VPS13D: variants seen among roughly 807,000 people sequenced by gnomAD.
VPS13D encodes the protein vacuolar protein sorting 13 homolog D, also known as intermembrane lipid transfer protein VPS13D.
Under a neutral mutation model 461.9 loss-of-function variants are expected in VPS13D, and 187 were observed. The ratio of observed to expected loss-of-function variants is 0.40; its 90% CI spans 0.36 to 0.46. VPS13D has a LOEUF of 0.46. Ranked by LOEUF, VPS13D falls within the 20% of genes least tolerant of loss-of-function variation. The pLI is 0.60. For synonymous variants in VPS13D, 1,951 were observed against 1,986.3 expected (o/e 0.98, Z 0.47); for missense variants, 4,711 against 5,364.9 (o/e 0.88, Z 3.81).
chr1:12,393,884 T>C (rs777914125), intron 60 of VPS13D, among the ~76,000 whole-genome samples: 9 of 152,168 alleles, frequency 5.9e-5, no homozygotes, highest in South Asian at 2.1e-4. Context: ...CTGGACCCAC[T>C]GTAAGTCAGA....
Position 12,378,560 on chromosome 1 carries a change from A to G in VPS13D, c.11050A>G (p.Ile3684Val), listed in dbSNP as rs1644232732. The G allele has an allele frequency of 1.2e-6, 2 of 1,602,986 alleles. No homozygotes were observed. Among genetic ancestry groups the G allele is most frequent in the African/African-American group, 1.3e-5 (1 of 74,248 alleles). ...CACCGAGGGGTCTGCCATCTTAGAT[A>G]TTGCTGGTCTCGCTGCAGTGACTGA... ...RSTEGSAILD[I>V]AGLAAVTDNR... Residue 3684 changes from isoleucine (I) to valine (V), a missense_variant, in exon 56 of 70, where the codon ATT (isoleucine) becomes GTT (valine). Ile to Val is a conservative substitution (Grantham distance 29). Transcript: ENST00000620676.
intron 65 of VPS13D, among the ~76,000 whole-genome samples, chr1:12,435,870 G>T (rs1166858670): frequency 1.3e-5 from 2 of 152,100 alleles, no homozygotes; most frequent in Non-Finnish European, 2.9e-5. Context: ...TGTAGATGCT[G>T]TACCATCCAG....
intron 54 of VPS13D, among the ~76,000 whole-genome samples, chr1:12,371,508 A>G (rs1644116862): frequency 6.6e-6 from 1 of 151,006 alleles, no homozygotes; most frequent in African/African-American, 2.4e-5. Flanking sequence ...CTCCTGCCTC[A>G]GACTCCTGAG....
At chr1:12,358,003 C>CAA (rs77316375) in intron 49 of VPS13D, among the ~76,000 whole-genome samples, 3 of 96,758 alleles carry the variant, frequency 3.1e-5, no homozygotes, top group Non-Finnish European at 4.5e-5. Context: ...GATTCCACCT[C>CAA]AAAAAAAAAA....
In VPS13D at chr1:12,267,856, T is replaced by C. The variant is rs1641319121; in HGVS notation, c.1737T>C (p.Val579=). 2 of 1,614,176 alleles carry C rather than the reference T, an allele frequency of 1.2e-6. No homozygotes were observed. The highest frequency in any genetic ancestry group is 1.7e-6 in the Non-Finnish European group (2 of 1,180,006). Residue 579 remains valine (V), a synonymous_variant, in exon 15 of 70, where the codon GTT becomes GTC. Coordinates refer to ENST00000620676, the MANE Select transcript of VPS13D (RefSeq NM_015378.4). ...LLVFPNPQKE[V]GRVSQSFGLQ... ...TGTTTGTTTAATAGCAAAAAGAAGT[T>C]GGCAGAGTCTCACAATCTTTTGGTC... is the stretch of plus-strand genomic sequence containing the variant.
intron 64 of VPS13D, 35 bp downstream of exon 64, chr1:12,415,256 T>C (rs369345490): frequency 1.2e-6 from 2 of 1,613,242 alleles, no homozygotes; most frequent in Non-Finnish European, 1.7e-6. Flanking sequence ...GGCTGGAGCA[T>C]AAGCAGAATG....
chr1:12,485,410 C>G (rs1645784548), intron 67 of VPS13D, among the ~76,000 whole-genome samples: 1 of 152,200 alleles, frequency 6.6e-6, no homozygotes, highest in Non-Finnish European at 1.5e-5. Flanking sequence ...CCCTCCTTGC[C>G]TGCATTTGGT....
intron 59 of VPS13D, among the ~76,000 whole-genome samples, 185 bp downstream of exon 59, chr1:12,385,558 T>C (rs186215627): frequency 6.6e-6 from 1 of 152,224 alleles, no homozygotes; most frequent in East Asian, 1.9e-4. Context: ...ACAAAGTTTA[T>C]GTGGAATCAG....
chr1:12,381,931 T>G (rs938077982), intron 57 of VPS13D, among the ~76,000 whole-genome samples: 1 of 88,012 alleles, frequency 1.1e-5, no homozygotes, highest in African/African-American at 5.7e-5. Context: ...CTTTTCTTTC[T>G]TTCTTTCTTT....
At position 12,318,477 on chromosome 1, in the gene VPS13D, A is replaced by G; in HGVS notation, c.7414+140A>G. 8 of 1,125,018 alleles carry G rather than the reference A, an allele frequency of 7.1e-6. No homozygotes were observed. In the South Asian group the frequency reaches 1.3e-4, roughly 18 times the overall value. The allele number at this position is 1,125,018 out of a possible 1,614,324, so 69.7% of individuals were successfully genotyped here. ...TTGCCTCTTTTACAGACCTGCAAGC[A>G]TCAGAGGTCTTGGCCTCCATTTTCA... On this transcript the variant is annotated intron_variant, in intron 31 of 69. Transcript: ENST00000620676.
chr1:12,326,770 A>G (rs962774366), intron 35 of VPS13D, among the ~76,000 whole-genome samples: 3 of 151,820 alleles, frequency 2.0e-5, no homozygotes, highest in African/African-American at 4.8e-5. Context: ...CAGCCTCCCA[A>G]GTATCTGGGA....
intron 31 of VPS13D, among the ~76,000 whole-genome samples, chr1:12,318,684 T>G (rs1301146186): frequency 6.6e-6 from 1 of 152,220 alleles, no homozygotes; most frequent in African/African-American, 2.4e-5. Flanking sequence ...TTATGGAGTT[T>G]AGGCAAGTTT....
chr1:12,263,200 C>A (rs78397324), intron 13 of VPS13D, among the ~76,000 whole-genome samples: 1 of 152,082 alleles, frequency 6.6e-6, no homozygotes, highest in East Asian at 1.9e-4. Context: ...CACTAGGCAG[C>A]GTTTTAGCAC....
intron 63 of VPS13D, among the ~76,000 whole-genome samples, chr1:12,412,235 ATTGATCTG>A (rs1411576622): frequency 2.6e-5 from 4 of 152,250 alleles, no homozygotes; most frequent in Non-Finnish European, 5.9e-5. Flanking sequence ...TGCTCCTCAA[ATTGATCTG>A]TAGATTCAGT....
chr1:12,482,873 G>A (rs1645743135), intron 67 of VPS13D, among the ~76,000 whole-genome samples: 1 of 151,430 alleles, frequency 6.6e-6, no homozygotes, highest in African/African-American at 2.4e-5. Flanking sequence ...CTCCACAATG[G>A]TGCTAGAACG....
chr1:12,314,110 T>C lies in VPS13D; in HGVS notation c.6936-5T>C. ...ATCTTGCTTGCTTTCTTTTCTCTCT[T>C]TTAGATTTGACTTCAAGAAATGCAA... On this transcript the variant is annotated splice_polypyrimidine_tract_variant and splice_region_variant and intron_variant, in intron 29 of 69. Coordinates refer to ENST00000620676, the MANE Select transcript of VPS13D (RefSeq NM_015378.4). The C allele has an allele frequency of 6.2e-7, 1 of 1,613,230 alleles. No individual in the cohort carries two copies.
At chr1:12,452,218 A>G (rs552696297) in intron 65 of VPS13D, among the ~76,000 whole-genome samples, 1 of 152,192 alleles carries the variant, frequency 6.6e-6, no homozygotes, top group Non-Finnish European at 1.5e-5. Context: ...GTGGATTTGT[A>G]CTTGCTCATA....
chr1:12,412,694 A>C (rs1450973975), intron 63 of VPS13D, among the ~76,000 whole-genome samples: 1 of 152,216 alleles, frequency 6.6e-6, no homozygotes, highest in Non-Finnish European at 1.5e-5. Flanking sequence ...AAACAATAAA[A>C]CTTGTATAAG....
At chr1:12,280,941 A>G (rs1641759346) in intron 20 of VPS13D, among the ~76,000 whole-genome samples, 1 of 151,164 alleles carries the variant, frequency 6.6e-6, no homozygotes, top group Non-Finnish European at 1.5e-5. Flanking sequence ...TAATAATTTA[A>G]TTTTTTAAAA....
Sources: gnomAD v4.1 joint callset for allele counts (sites outside exome capture counted in the v4.1 genomes callset) on GRCh38, gnomAD v4.1.1 for gene constraint, MANE v1.5 for transcripts, NCBI Gene and HGNC (gene_info 2026-07-23, HGNC 2026-07-21) for gene names.